The following P2RX6 variants were observed in gnomAD, a reference collection of about 807,000 sequenced individuals.
P2RX6 encodes P2X purinoceptor 6.
Under a neutral mutation model 54.2 loss-of-function variants are expected in P2RX6, and 62 were observed. The ratio of observed to expected loss-of-function variants is 1.14; its 90% CI spans 0.93 to 1.41. P2RX6 has a LOEUF of 1.41. P2RX6 is among the 40% of genes most tolerant of loss of function. The pLI, the probability that P2RX6 is intolerant of heterozygous loss-of-function variation, is 0.00. For missense variants in P2RX6, 541 were observed against 566.3 expected (o/e 0.96, Z 0.45); for synonymous variants, 211 against 231.9 (o/e 0.91, Z 0.82).
Position 21,017,119 on chromosome 22 carries a change from C to T in P2RX6, c.316-870C>T, listed in dbSNP as rs555348305. 9.2e-5 allele frequency among the ~76,000 whole-genome samples: 14 copies of T among 152,252 alleles called. No individual in the cohort carries two copies. The South Asian group carries it at 2.7e-3, about 29-fold the overall frequency. ...GAGGGTCCCTAGATGCCCCTCTCGC[C>T]TCCTCCCTTACTGCTCGGTGCACAC... On this transcript the variant is annotated intron_variant, in intron 2 of 11. Transcript: ENST00000413302.
chr22:21,011,298 T>C (rs1247775398), upstream of P2RX6: 4 of 570,100 alleles, frequency 7.0e-6, no homozygotes, highest in East Asian at 2.9e-5. Context: ...TCCCTGGCGA[T>C]GTGCAGCGCG....
At chr22:21,014,247 TGAGGCG>T (rs1392647408), upstream of P2RX6, 1 of 153,192 alleles carries the variant, frequency 6.5e-6, no homozygotes, top group Non-Finnish European at 1.5e-5. Flanking sequence ...CCTCAGACCC[TGAGGCG>T]GAGACCGCTT....
intron 8 of P2RX6, 46 bp from the exon 9 acceptor site, chr22:21,025,759 G>C (rs201517686): frequency 1.4e-6 from 2 of 1,424,648 alleles, no homozygotes; most frequent in East Asian, 2.5e-5. Flanking sequence ...AGCCCCACCT[G>C]GGGGTGGGCA....
Position 21,026,828 on chromosome 22 carries a change from C to A in P2RX6, c.*211C>A, listed in dbSNP as rs1928543819. ...TTTTGAGACGGCGACAGAACCTGACCCGTGGAGACTGGGAGAGCCCAGCAG... is the reference window on the plus strand; with the variant it reads ...TTTTGAGACGGCGACAGAACCTGACACGTGGAGACTGGGAGAGCCCAGCAG... On this transcript the variant is annotated 3_prime_UTR_variant, in exon 12 of 12. Transcript: ENST00000413302. The surrounding 1 kb of genome is among the most constrained non-coding windows in gnomAD (Gnocchi z 4.0). 8 of 1,034,092 alleles carry A rather than the reference C, an allele frequency of 7.7e-6. No homozygotes were observed. In the South Asian group the frequency reaches 1.0e-4, roughly 13 times the overall value. The allele number at this position is 1,034,092 out of a possible 1,614,324, so 64.1% of individuals were successfully genotyped here. A position where few individuals can be genotyped will look rare whatever the true frequency, so the allele number is the denominator to read the frequency against.
At chr22:21,016,129 C>CT (rs1926343814) in intron 2 of P2RX6, 37 bp downstream of exon 2, 1 of 1,544,066 alleles carries the variant, frequency 6.5e-7, no homozygotes, top group African/African-American at 1.4e-5. Flanking sequence ...GGCGCAAGTC[C>CT]TTTCCCCACT....
upstream of P2RX6, among the ~76,000 whole-genome samples, chr22:21,014,814 C>A (rs1378163410): frequency 6.6e-6 from 1 of 152,152 alleles, no homozygotes; most frequent in East Asian, 1.9e-4. Flanking sequence ...TCACTTCTTC[C>A]GGAAGCTTTC....
At position 21,026,248 on chromosome 22, in the gene P2RX6, C is replaced by A; in HGVS notation, c.1051-4C>A. 1 of 1,590,494 alleles carries A rather than the reference C, an allele frequency of 6.3e-7. No individual in the cohort carries two copies. Among genetic ancestry groups the A allele is most frequent in the Non-Finnish European group, 8.6e-7 (1 of 1,169,052 alleles). On this transcript the variant is annotated splice_region_variant and splice_polypyrimidine_tract_variant and intron_variant, in intron 10 of 11. Coordinates refer to ENST00000413302, the MANE Select transcript of P2RX6 (RefSeq NM_005446.5). This position sits in a 1 kb window ranked among gnomAD's most constrained non-coding sequence, Gnocchi z 4.0. ...GGAACATGGGTTGGCCCTGCCTCTCCCAGGTCACCTTTTTCTGTGACCTGC... is the reference window on the plus strand; with the variant it reads ...GGAACATGGGTTGGCCCTGCCTCTCACAGGTCACCTTTTTCTGTGACCTGC...
chr22:21,025,287 C>G (rs1450977233), intron 8 of P2RX6, among the ~76,000 whole-genome samples: 2 of 152,128 alleles, frequency 1.3e-5, no homozygotes, highest in East Asian at 3.9e-4. Context: ...CAGGCACACA[C>G]GACCACCAGG....
At chr22:21,022,170 C>T (rs1927514349) in intron 3 of P2RX6, among the ~76,000 whole-genome samples, 1 of 152,092 alleles carries the variant, frequency 6.6e-6, no homozygotes, top group Non-Finnish European at 1.5e-5. Context: ...GAGTTAAAAA[C>T]CAGCCTGGTC....
At chr22:21,010,881 G>A (rs1925701064), upstream of P2RX6, among the ~76,000 whole-genome samples, 1 of 151,738 alleles carries the variant, frequency 6.6e-6, no homozygotes, top group Non-Finnish European at 1.5e-5. Flanking sequence ...CTGCCAGTCT[G>A]GGAAACAGGC....
In P2RX6 at chr22:21,026,323, T is replaced by C. The variant is rs745984266; in HGVS notation, c.1122T>C (p.Tyr374=). The stretch of plus-strand genomic sequence containing the variant: ...CCCATTTCTACTGGAGGACAAAGTA[T>C]GAGGAGGTGAGCTGAGGTCGCTCTG... ...REAHFYWRTK[Y]EEAKAPKATA... The change falls in exon 11 of 12, where the codon TAT becomes TAC. Residue 374 remains tyrosine, a synonymous_variant. Transcript: ENST00000413302. The surrounding 1 kb of genome is among the most constrained non-coding windows in gnomAD (Gnocchi z 4.0). 15 of 1,604,828 alleles carry C rather than the reference T, an allele frequency of 9.3e-6. No individual in the cohort carries two copies. The highest frequency in any genetic ancestry group is 8.5e-7 in the Non-Finnish European group (1 of 1,176,056).
intron 3 of P2RX6, among the ~76,000 whole-genome samples, chr22:21,020,792 G>C (rs1927246270): frequency 6.6e-6 from 1 of 151,902 alleles, no homozygotes; most frequent in African/African-American, 2.4e-5. Context: ...GGGTTTTGCT[G>C]TGTCGGCCAG....
intron 3 of P2RX6, among the ~76,000 whole-genome samples, chr22:21,019,769 A>G (rs893691309): frequency 6.6e-6 from 1 of 152,284 alleles, no homozygotes; most frequent in African/African-American, 2.4e-5. Context: ...AGCCAGTGAT[A>G]AGCATTGTTT....
At chr22:21,013,039 T>C (rs1466890859), upstream of P2RX6, 1 of 157,358 alleles carries the variant, frequency 6.4e-6, no homozygotes, top group African/African-American at 2.4e-5. Flanking sequence ...CTTCCAGTGG[T>C]ACCTGGGGCC....
At chr22:21,017,867 G>A in intron 2 of P2RX6, 122 bp from the exon 3 acceptor site, 1 of 721,288 alleles carries the variant, frequency 1.4e-6, no homozygotes, top group Non-Finnish European at 2.6e-6. Flanking sequence ...CTGCCTTACA[G>A]GGGGACAGGG....
intron 3 of P2RX6, chr22:21,018,444 C>T (rs141468154): frequency 7.9e-4 from 249 of 313,370 alleles, no homozygotes; most frequent in African/African-American, 4.9e-3. Flanking sequence ...CCCAGAGCTG[C>T]GCACATGCTC....
rs1295076040 is a variant in P2RX6, at chr22:21,022,751, G to A, written c.463G>A (p.Gly155Ser). 9 of 1,562,630 alleles carry A rather than the reference G, an allele frequency of 5.8e-6. No individual in the cohort carries two copies. Among genetic ancestry groups the A allele is most frequent in the South Asian group, 2.5e-5 (2 of 81,552 alleles). The change falls in exon 4 of 12, where the codon GGT (glycine) becomes AGT (serine). Residue 155 changes from glycine (G) to serine (S), a missense_variant and splice_region_variant. By Grantham distance (56) the Gly-to-Ser change is moderately conservative. Coordinates refer to ENST00000413302, the MANE Select transcript of P2RX6 (RefSeq NM_005446.5). ...AGGGGAGGGAGGCACACACAGCCAC[G>A]GTAACTGTGGGCTCTGTCTTCCAGT... The part of the protein sequence containing the change: ...PEGEGGTHSH[G>S]VKTGQCVVFN...
At chr22:21,025,776 G>A (rs770273548) in intron 8 of P2RX6, 29 bp from the exon 9 acceptor site, 6 of 1,536,306 alleles carry the variant, frequency 3.9e-6, no homozygotes, top group South Asian at 3.6e-5. Flanking sequence ...GGCAAAGCAG[G>A]TCACCAGAGC....
Position 21,016,012 on chromosome 22 carries a change from C to G in P2RX6, c.235C>G (p.Leu79Val). 6.4e-7 allele frequency: 1 copy of G among 1,552,596 alleles called. No homozygotes were observed. The highest frequency in any genetic ancestry group is 1.2e-5 in the South Asian group (1 of 84,108). ...LEPQFSIITK[L>V]KGVSVTQIKE... The stretch of plus-strand genomic sequence containing the variant: ...ACCCCAGTTTTCCATCATCACCAAA[C>G]TCAAAGGGGTTTCCGTCACTCAGAT... The change falls in exon 2 of 12, where the codon CTC (leucine) becomes GTC (valine). Residue 79 changes from leucine (L) to valine (V), a missense_variant. Physicochemically the swap from Leu to Val is conservative, Grantham distance 32. Around this residue, in one of 2 missense-constraint regions of P2RX6, gnomAD observed 526 missense variants for 531.5 expected, o/e 0.99. Transcript: ENST00000413302.
Sources: gnomAD v4.1 joint callset for allele counts (sites outside exome capture counted in the v4.1 genomes callset) on GRCh38, gnomAD v4.1.1 for gene constraint, gnomAD v4.1.1 regional missense constraint, Gnocchi (gnomAD v3.1) non-coding constraint, MANE v1.5 for transcripts, NCBI Gene and HGNC (gene_info 2026-07-23, HGNC 2026-07-21) for gene names.